The following RFC3 variants were observed in gnomAD, a reference collection of about 807,000 sequenced individuals.
The protein encoded by RFC3 is A1 38 kDa subunit.
A neutral mutation model predicts 45.1 loss-of-function variants in RFC3; 41 were observed. The ratio of observed to expected loss-of-function variants is 0.91; its 90% confidence interval spans 0.71 to 1.18. The LOEUF (loss-of-function observed/expected upper bound fraction) is 1.18, where lower values mean the gene tolerates loss of function less well. Among genes scored for constraint, RFC3 ranks in the 50% most tolerant of loss-of-function variants. The pLI, the probability that RFC3 is intolerant of heterozygous loss-of-function variation, is 0.00. For missense variants in RFC3, 423 were observed against 428.1 expected, an observed-to-expected ratio of 0.99 and a Z score of 0.10; for synonymous variants, 149 against 144.0, an observed-to-expected ratio of 1.03 and a Z score of -0.25.
downstream of RFC3, among the ~76,000 whole-genome samples, chr13:33,968,680 G>A (rs950220059): frequency 3.3e-5 from 5 of 152,156 alleles, no homozygotes; most frequent in Non-Finnish European, 7.3e-5. Context: ...TGATTGTGCA[G>A]ACCAAACAGC....
Position 33,836,186 on chromosome 13 carries a change from G to A in RFC3, c.962G>A (p.Arg321His), listed in dbSNP as rs954115115. Residue 321 changes from arginine to histidine, a missense_variant, in exon 9 of 9, where the codon CGT (arginine) becomes CAT (histidine). Physicochemically the swap from Arg to His is conservative, Grantham distance 29. Transcript: ENST00000380071. The part of the protein sequence containing the change: ...VAQMAAYYEH[R>H]LQLGSKAIYH... ...CAAATGGCAGCTTACTATGAGCATC[G>A]TCTACAGCTGGGTAGCAAAGCCATT... is the stretch of plus-strand genomic sequence containing the variant. 4 of 1,613,288 alleles carry A rather than the reference G, an allele frequency of 2.5e-6. No homozygotes were observed. Among genetic ancestry groups the A allele is most frequent in the African/African-American group, 1.3e-5 (1 of 74,856 alleles).
intron 8 of RFC3, among the ~76,000 whole-genome samples, chr13:33,939,707 G>A (rs1038181053): frequency 2.6e-5 from 4 of 152,144 alleles, no homozygotes; most frequent in East Asian, 1.9e-4. Flanking sequence ...TCGGAAGCGG[G>A]AACAGTCTTG....
chr13:33,846,116 A>C (rs1426974736), intron 8 of RFC3: 1 of 152,166 alleles, frequency 6.6e-6, no homozygotes, highest in Non-Finnish European at 1.5e-5. Flanking sequence ...TTCTCCAGAC[A>C]AATGGAGTTT....
chr13:33,931,451 T>C (rs2082851345), intron 8 of RFC3, among the ~76,000 whole-genome samples: 1 of 152,150 alleles, frequency 6.6e-6, no homozygotes, highest in East Asian at 1.9e-4. Flanking sequence ...ACCACTGATC[T>C]AAGCCATCTG....
At chr13:33,869,301 G>A (rs1232996235) in intron 8 of RFC3, among the ~76,000 whole-genome samples, 2 of 152,140 alleles carry the variant, frequency 1.3e-5, no homozygotes, top group African/African-American at 4.8e-5. Context: ...CAAGAGCCTT[G>A]ACCTTTACAA....
At chr13:33,892,098 C>T (rs1231912311) in intron 8 of RFC3, among the ~76,000 whole-genome samples, 1 of 151,828 alleles carries the variant, frequency 6.6e-6, no homozygotes, top group Non-Finnish European at 1.5e-5. Context: ...TTTTAAAAAT[C>T]CAATAACTCC....
intron 8 of RFC3, among the ~76,000 whole-genome samples, chr13:33,884,712 A>G (rs1216005201): frequency 1.3e-5 from 2 of 152,174 alleles, no homozygotes; most frequent in East Asian, 1.9e-4. Context: ...CAGTTTTCAA[A>G]TGGTCCGTGC....
At chr13:33,918,514 G>T (rs2082747175) in intron 8 of RFC3, among the ~76,000 whole-genome samples, 1 of 152,124 alleles carries the variant, frequency 6.6e-6, no homozygotes. Flanking sequence ...GCAAAATGCT[G>T]TTGGGTAATT....
chr13:33,858,484 C>G (rs1261783658), intron 8 of RFC3, among the ~76,000 whole-genome samples: 7 of 152,210 alleles, frequency 4.6e-5, no homozygotes, highest in Non-Finnish European at 1.0e-4. Context: ...TCCCTTCCCA[C>G]TCTTCACTTC....
At chr13:33,927,551 C>G (rs1007491360) in intron 8 of RFC3, among the ~76,000 whole-genome samples, 1 of 152,090 alleles carries the variant, frequency 6.6e-6, no homozygotes, top group East Asian at 1.9e-4. Context: ...TGCTGTTGTC[C>G]ATGTGTGACT....
chr13:33,926,392 T>C (rs2082813815), intron 8 of RFC3, among the ~76,000 whole-genome samples: 1 of 151,252 alleles, frequency 6.6e-6, no homozygotes, highest in South Asian at 2.1e-4. Context: ...AAAAATACCC[T>C]AGCACACATT....
chr13:33,938,517 A>G (rs1489437578), intron 8 of RFC3, among the ~76,000 whole-genome samples: 1 of 152,128 alleles, frequency 6.6e-6, no homozygotes, highest in East Asian at 1.9e-4. Context: ...TATGGTGTTA[A>G]AAATCCATTT....
chr13:33,957,405 C>T (rs1221625559), intron 8 of RFC3, among the ~76,000 whole-genome samples: 1 of 152,100 alleles, frequency 6.6e-6, no homozygotes, highest in Non-Finnish European at 1.5e-5. Flanking sequence ...TATAATATAA[C>T]AGGTACCATT....
intron 8 of RFC3, chr13:33,847,425 A>C (rs1011283182): frequency 6.6e-6 from 1 of 152,050 alleles, no homozygotes; most frequent in African/African-American, 2.4e-5. Flanking sequence ...GATAATCTCT[A>C]GGAGGTGCTA....
rs1424108497 is a variant in RFC3 at position 33,829,989 on chromosome 13, T to A, written c.545T>A (p.Val182Asp). ...CCTATTCGTAGTAGGTGCTTGGCGG[T>A]TCGTGTGCCTGCTCCCAGCATTGAA... ...IPPIRSRCLA[V>D]RVPAPSIEDI... Residue 182 changes from valine (V) to aspartate (D), a missense_variant, in exon 5 of 9, where the codon GTT becomes GAT. Coordinates refer to ENST00000380071, the MANE Select transcript of RFC3 (RefSeq NM_002915.4). 6.2e-7 allele frequency: 1 copy of A among 1,614,034 alleles called. No homozygotes were observed.
chr13:33,898,743 C>T (rs7321574), intron 8 of RFC3, among the ~76,000 whole-genome samples: 2,078 of 151,348 alleles, frequency 0.014, 45 homozygotes, highest in African/African-American at 0.048. Flanking sequence ...ATGGAATCAG[C>T]GAAACTTTAG....
intron 8 of RFC3, among the ~76,000 whole-genome samples, chr13:33,869,795 G>A (rs1297220402): frequency 2.0e-5 from 3 of 152,138 alleles, no homozygotes; most frequent in Non-Finnish European, 4.4e-5. Flanking sequence ...CATATGTCCG[G>A]TGTCTTAATA....
rs750596331 is a variant in RFC3 at position 33,835,178 on chromosome 13, G to T, written c.840G>T (p.Glu280Asp). 1 of 1,610,564 alleles carries T rather than the reference G, an allele frequency of 6.2e-7. No homozygotes were observed. The highest frequency in any genetic ancestry group is 8.5e-7 in the Non-Finnish European group (1 of 1,177,088). The change falls in exon 8 of 9, where the codon GAG becomes GAT. Residue 280 changes from glutamate (E) to aspartate (D), a missense_variant. Physicochemically the swap from Glu to Asp is conservative, Grantham distance 45 (BLOSUM62 2). Coordinates refer to ENST00000380071, the MANE Select transcript of RFC3 (RefSeq NM_002915.4). Reference protein sequence around the residue: ...RLLEVRGRLYELLTHCIPPEI... With the variant: ...RLLEVRGRLYDLLTHCIPPEI... ...TTGAAGTTCGTGGAAGGCTGTATGA[G>T]CTTCTAACTCATTGTATTCCTCCTG...
At chr13:33,877,782 G>GT (rs1239748193) in intron 8 of RFC3, among the ~76,000 whole-genome samples, 1 of 147,858 alleles carries the variant, frequency 6.8e-6, no homozygotes, top group African/African-American at 2.5e-5. Context: ...AAATGAAAAG[G>GT]TTTTATTATT....
Sources: gnomAD v4.1 joint callset for allele counts (sites outside exome capture counted in the v4.1 genomes callset) on GRCh38, gnomAD v4.1.1 for gene constraint, MANE v1.5 for transcripts, NCBI Gene and HGNC (gene_info 2026-07-23, HGNC 2026-07-21) for gene names.